Variants in PRKG1 observed in about 807,000 individuals in gnomAD.
The protein encoded by PRKG1 is protein kinase cGMP-dependent 1, also known as cGMP-dependent protein kinase 1.
PRKG1 carries 35 observed loss-of-function variants against 88.1 expected under a neutral mutation model. The observed-to-expected ratio is 0.40, with a 90% confidence interval of 0.30 to 0.53. The LOEUF is 0.53. Among genes scored for constraint, PRKG1 ranks in the 20% least tolerant of loss-of-function variants. PRKG1 has a pLI of 0.59. For synonymous variants in PRKG1, 303 were observed against 292.5 expected (o/e 1.04, Z -0.37); for missense variants, 540 against 839.8 (o/e 0.64, Z 4.41).
intron 3 of PRKG1, chr10:51,699,412 C>A (rs1347488949): frequency 4.5e-5 from 72 of 1,613,936 alleles, no homozygotes; most frequent in Non-Finnish European, 5.8e-5. Context: ...CGTATACCAG[C>A]CGGAAACTGA....
At chr10:51,597,360 A>G (rs1838479266) in intron 3 of PRKG1, among the ~76,000 whole-genome samples, 2 of 152,144 alleles carry the variant, frequency 1.3e-5, no homozygotes, top group South Asian at 4.1e-4. Context: ...TGAGACTCTA[A>G]CATTACCCCT....
chr10:51,417,925 T>C (rs965894687), intron 2 of PRKG1, among the ~76,000 whole-genome samples: 16 of 152,176 alleles, frequency 1.1e-4, no homozygotes, highest in African/African-American at 3.9e-4. Context: ...CCACATATTC[T>C]TGGATATGGA....
chr10:51,538,899 A>G (rs941608977), intron 3 of PRKG1, among the ~76,000 whole-genome samples: 2 of 152,048 alleles, frequency 1.3e-5, no homozygotes, highest in African/African-American at 4.8e-5. Context: ...GCCTCTTACA[A>G]TAACATTTAT....
At chr10:51,048,039 T>A (rs1564581000) in intron 1 of PRKG1, among the ~76,000 whole-genome samples, 1 of 152,188 alleles carries the variant, frequency 6.6e-6, no homozygotes, top group Non-Finnish European at 1.5e-5. Context: ...GTGATATTAA[T>A]ACTTAGTTTT....
At chr10:51,987,301 T>TA (rs56313514) in intron 5 of PRKG1, among the ~76,000 whole-genome samples, 53,276 of 150,948 alleles carry the variant, frequency 0.35, 9,626 homozygotes, top group Middle Eastern at 0.43. Flanking sequence ...CACTTTTAAT[T>TA]AAAAAAAAAT....
In PRKG1 at chr10:51,823,484, G is replaced by C. The variant is rs182515126; in HGVS notation, c.698+18794G>C. Among the ~76,000 whole-genome samples the C allele has an allele frequency of 2.8e-3, 422 of 151,890 alleles. 1 individual carries two copies. Among genetic ancestry groups the C allele is most frequent in the African/African-American group, 8.2e-3 (339 of 41,430 alleles). On this transcript the variant is annotated intron_variant, in intron 4 of 17. Coordinates refer to ENST00000373980, the MANE Select transcript of PRKG1 (RefSeq NM_006258.4). Reference sequence around the variant, plus strand: ...GTAACATGAACCACGGGGCTTCCAAGTTTTCTCAGTGGAAGGGCATTTCTT... The same window carrying C: ...GTAACATGAACCACGGGGCTTCCAACTTTTCTCAGTGGAAGGGCATTTCTT...
In PRKG1 at chr10:51,523,541, C is replaced by G. The variant is rs546939449; in HGVS notation, c.592+55705C>G. ...GGATAATATTTTTTACTGTTTCTCT[C>G]TTAACAAATTTTCTCCATAATTAGT... On this transcript the variant is annotated intron_variant, in intron 3 of 17. Coordinates refer to ENST00000373980, the MANE Select transcript of PRKG1 (RefSeq NM_006258.4). Among the ~76,000 whole-genome samples, 85 of 152,242 alleles carry G rather than the reference C, an allele frequency of 5.6e-4. 1 individual carries two copies. The highest frequency in any genetic ancestry group is 2.0e-3 in the African/African-American group (84 of 41,546).
At chr10:51,322,842 G>T (rs1445427847) in intron 2 of PRKG1, among the ~76,000 whole-genome samples, 1 of 152,122 alleles carries the variant, frequency 6.6e-6, no homozygotes, top group Non-Finnish European at 1.5e-5. Flanking sequence ...GCACACTAAG[G>T]TTGACTTTTC....
chr10:51,141,160 A>C (rs1250214801), intron 1 of PRKG1, among the ~76,000 whole-genome samples: 1 of 152,160 alleles, frequency 6.6e-6, no homozygotes, highest in African/African-American at 2.4e-5. Context: ...AGACCTCAGC[A>C]TCCACCTTTA....
chr10:51,079,912 CT>C (rs1469311274), intron 1 of PRKG1, among the ~76,000 whole-genome samples: 4 of 152,178 alleles, frequency 2.6e-5, no homozygotes, highest in African/African-American at 9.7e-5. Context: ...TCCAAATGTT[CT>C]CATTGAAAGT....
intron 2 of PRKG1, among the ~76,000 whole-genome samples, chr10:51,197,014 ACACTTATG>A (rs949600232): frequency 5.9e-5 from 9 of 152,070 alleles, no homozygotes; most frequent in African/African-American, 2.2e-4. Context: ...CTGATTATTT[ACACTTATG>A]CCTTTTCCTC....
At chr10:52,224,965 C>T (rs1840356344) in intron 9 of PRKG1, among the ~76,000 whole-genome samples, 1 of 151,420 alleles carries the variant, frequency 6.6e-6, no homozygotes, top group Non-Finnish European at 1.5e-5. Context: ...GTATCTTTTT[C>T]AAGTAATGAC....
At chr10:51,489,792 T>C (rs1338983507) in intron 3 of PRKG1, among the ~76,000 whole-genome samples, 2 of 152,058 alleles carry the variant, frequency 1.3e-5, no homozygotes, top group African/African-American at 4.8e-5. Context: ...GCTGTTGCAG[T>C]AATTCAGGTG....
chr10:51,697,944 C>T, intron 3 of PRKG1: 1 of 1,598,756 alleles, frequency 6.3e-7, no homozygotes, highest in Non-Finnish European at 8.5e-7. Flanking sequence ...TGTATACTGA[C>T]TCCTTGTATG....
At chr10:51,891,372 T>C (rs1841717018) in intron 4 of PRKG1, among the ~76,000 whole-genome samples, 1 of 152,218 alleles carries the variant, frequency 6.6e-6, no homozygotes, top group East Asian at 1.9e-4. Context: ...TATTAAGAGT[T>C]AATATTTTTG....
intron 9 of PRKG1, among the ~76,000 whole-genome samples, chr10:52,186,379 G>C (rs1178220604): frequency 6.6e-6 from 1 of 152,086 alleles, no homozygotes; most frequent in Non-Finnish European, 1.5e-5. Context: ...TGCTTGGTGT[G>C]ATTTGCCCCT....
chr10:52,078,015 G>A (rs1013633680), intron 7 of PRKG1, among the ~76,000 whole-genome samples: 4 of 152,160 alleles, frequency 2.6e-5, no homozygotes, highest in African/African-American at 7.2e-5. Context: ...CCAGATGGCC[G>A]ACTGCCACTC....
intron 2 of PRKG1, among the ~76,000 whole-genome samples, chr10:51,376,486 T>C (rs534206190): frequency 2.0e-4 from 30 of 152,328 alleles, no homozygotes; most frequent in African/African-American, 6.7e-4. Flanking sequence ...TCTTGTTTGC[T>C]ATTGAAAAAA....
rs1005398594 is a variant in PRKG1 at position 51,074,846 on chromosome 10, T to C, written c.256T>C (p.Phe86Leu). 2 of 1,613,336 alleles carry C rather than the reference T, an allele frequency of 1.2e-6. No individual in the cohort carries two copies. Among genetic ancestry groups the C allele is most frequent in the Non-Finnish European group, 1.7e-6 (2 of 1,179,660 alleles). Residue 86 changes from phenylalanine to leucine, a missense_variant, in exon 1 of 18, where the codon TTC (phenylalanine) becomes CTC (leucine). Physicochemically the swap from Phe to Leu is conservative, Grantham distance 22. Transcript: ENST00000373980. ...RQAISAEPTA[F>L]DIQDLSHVTL... ...GGCGATCTCCGCCGAGCCCACCGCC[T>C]TCGACATCCAGGATCTCAGCCATGT...
Sources: gnomAD v4.1 joint callset for allele counts (sites outside exome capture counted in the v4.1 genomes callset) on GRCh38, gnomAD v4.1.1 for gene constraint, MANE v1.5 for transcripts, NCBI Gene and HGNC (gene_info 2026-07-23, HGNC 2026-07-21) for gene names.